SLC24A2: variants seen among roughly 807,000 people sequenced by gnomAD.
The protein encoded by SLC24A2 is solute carrier family 24 member 2.
A neutral mutation model predicts 62.0 loss-of-function variants in SLC24A2; 36 were observed. That is an observed-to-expected ratio of 0.58 (90% CI 0.44 to 0.77). The LOEUF (loss-of-function observed/expected upper bound fraction) is 0.77, where lower values mean the gene tolerates loss of function less well. Among genes scored for constraint, SLC24A2 ranks in the 30% least tolerant of loss-of-function variants. SLC24A2 has a pLI of 0.00. For synonymous variants in SLC24A2, 358 were observed against 294.0 expected (o/e 1.22, Z -2.23); for missense variants, 846 against 817.9 (o/e 1.03, Z -0.42).
chr9:19,547,196 A>G (rs149670983), intron 8 of SLC24A2, among the ~76,000 whole-genome samples: 2,385 of 152,290 alleles, frequency 0.016, 73 homozygotes, highest in African/African-American at 0.055. Flanking sequence ...TGTTCTTCCT[A>G]AGAGTCTTAT....
chr9:20,183,286 ATAAG>A, the SLC24A2 span, among the ~76,000 whole-genome samples: 1 of 152,220 alleles, frequency 6.6e-6, no homozygotes, highest in Admixed American at 6.5e-5. Flanking sequence ...TAACCATAAT[ATAAG>A]TAAGTGCCCT....
At chr9:20,017,197 A>G in the SLC24A2 span, among the ~76,000 whole-genome samples, 7 of 151,924 alleles carry the variant, frequency 4.6e-5, no homozygotes, top group Non-Finnish European at 8.8e-5. Context: ...TAATTTTTGT[A>G]TTTTTAGTAG....
At chr9:19,657,238 C>G (rs1818968032) in intron 2 of SLC24A2, among the ~76,000 whole-genome samples, 1 of 152,142 alleles carries the variant, frequency 6.6e-6, no homozygotes, top group Non-Finnish European at 1.5e-5. Context: ...GAAACTCAAC[C>G]TGGCACTCCA....
At chr9:19,773,476 G>C (rs1001077488) in intron 2 of SLC24A2, among the ~76,000 whole-genome samples, 1 of 152,218 alleles carries the variant, frequency 6.6e-6, no homozygotes, top group Admixed American at 6.5e-5. Context: ...GAGGGGACAG[G>C]AGGGTTTCTA....
At chr9:19,688,900 T>G (rs924637297) in intron 2 of SLC24A2, among the ~76,000 whole-genome samples, 8 of 152,104 alleles carry the variant, frequency 5.3e-5, no homozygotes, top group Non-Finnish European at 1.2e-4. Flanking sequence ...CTCAAATTGT[T>G]ATTGAGTACA....
intron 2 of SLC24A2, among the ~76,000 whole-genome samples, chr9:19,765,622 G>A (rs1437965212): frequency 1.3e-5 from 2 of 152,138 alleles, no homozygotes; most frequent in African/African-American, 4.8e-5. Context: ...TTGAATATTG[G>A]CCCCCACTCT....
At chr9:19,896,447 A>G in the SLC24A2 span, among the ~76,000 whole-genome samples, 1 of 152,240 alleles carries the variant, frequency 6.6e-6, no homozygotes, top group Admixed American at 6.5e-5. Flanking sequence ...GGCATTGTTA[A>G]AAGAACACTC....
the SLC24A2 span, among the ~76,000 whole-genome samples, chr9:20,134,352 C>T: frequency 1.3e-5 from 2 of 151,996 alleles, no homozygotes; most frequent in Non-Finnish European, 2.9e-5. Flanking sequence ...GAGGGTTTCC[C>T]TTAAAAAACA....
the SLC24A2 span, among the ~76,000 whole-genome samples, chr9:19,869,276 C>T: frequency 2.0e-5 from 3 of 152,220 alleles, no homozygotes; most frequent in African/African-American, 7.2e-5. Context: ...CTACTGCACC[C>T]AGTCTATTTA....
chr9:19,789,703 G>C (rs906839595), upstream of SLC24A2, among the ~76,000 whole-genome samples: 1 of 152,220 alleles, frequency 6.6e-6, no homozygotes, highest in Admixed American at 6.5e-5. Context: ...AATCAGGCTT[G>C]TTGGGGATGA....
intron 5 of SLC24A2, among the ~76,000 whole-genome samples, chr9:19,582,810 C>T (rs187982021): frequency 2.6e-5 from 4 of 152,188 alleles, no homozygotes; most frequent in South Asian, 2.1e-4. Context: ...TCCCCTGTTT[C>T]TCTCACACCC....
the SLC24A2 span, among the ~76,000 whole-genome samples, chr9:20,252,809 A>G: frequency 6.6e-6 from 1 of 152,146 alleles, no homozygotes; most frequent in East Asian, 1.9e-4. Flanking sequence ...TGGGATCCCC[A>G]CTCCAAATTT....
chr9:19,760,812 G>A (rs923077737), intron 2 of SLC24A2, among the ~76,000 whole-genome samples: 2 of 150,950 alleles, frequency 1.3e-5, no homozygotes, highest in Non-Finnish European at 2.9e-5. Context: ...CTATCGCAAG[G>A]ACGGAAAACC....
chr9:19,616,623 T>C (rs1358533588), intron 4 of SLC24A2, among the ~76,000 whole-genome samples: 1 of 152,228 alleles, frequency 6.6e-6, no homozygotes, highest in Non-Finnish European at 1.5e-5. Context: ...TGCCTAATCT[T>C]CCTGAGCCTT....
the SLC24A2 span, among the ~76,000 whole-genome samples, chr9:20,007,221 C>A: frequency 6.6e-6 from 1 of 152,288 alleles, no homozygotes; most frequent in East Asian, 1.9e-4. Context: ...AGACTCCCTG[C>A]TGCAGTGCTC....
At chr9:19,778,343 A>G (rs1045534902) in intron 2 of SLC24A2, among the ~76,000 whole-genome samples, 2 of 152,162 alleles carry the variant, frequency 1.3e-5, no homozygotes, top group African/African-American at 2.4e-5. Flanking sequence ...TTAGCAGCCT[A>G]AAGACTAGGT....
At chr9:19,518,662 C>T (rs775533918) in intron 10 of SLC24A2, among the ~76,000 whole-genome samples, 12 of 151,990 alleles carry the variant, frequency 7.9e-5, no homozygotes, top group African/African-American at 9.7e-5. Flanking sequence ...CCTTGTGATC[C>T]GCCCACCTCA....
At chr9:19,915,754 C>T in the SLC24A2 span, among the ~76,000 whole-genome samples, 3 of 151,994 alleles carry the variant, frequency 2.0e-5, no homozygotes, top group African/African-American at 4.8e-5. Flanking sequence ...TATCTATTCA[C>T]ATTCTTTGTC....
At chr9:19,995,014 C>A in the SLC24A2 span, among the ~76,000 whole-genome samples, 1 of 151,650 alleles carries the variant, frequency 6.6e-6, no homozygotes, top group Non-Finnish European at 1.5e-5. Flanking sequence ...GGAGGAAATG[C>A]CATGGCGATT....
Sources: gnomAD v4.1 joint callset for allele counts (sites outside exome capture counted in the v4.1 genomes callset) on GRCh38, gnomAD v4.1.1 for gene constraint, MANE v1.5 for transcripts, NCBI Gene and HGNC (gene_info 2026-07-23, HGNC 2026-07-21) for gene names.